The following GZMB variants were observed in gnomAD, a reference collection of about 807,000 sequenced individuals.
The protein encoded by GZMB is T-cell serine protease 1-3E.
In GZMB, 27 loss-of-function variants were observed where a neutral mutation model predicts 24.2. That is an observed-to-expected ratio of 1.12 (90% CI 0.82 to 1.54). The LOEUF is 1.54. GZMB is among the 40% of genes most tolerant of loss of function. The probability of loss-of-function intolerance (pLI) is 0.00; values close to 1 mark genes in which losing one functional copy is unlikely to be tolerated. For missense variants in GZMB, 336 were observed against 310.1 expected, an observed-to-expected ratio of 1.08 and a Z score of -0.63; for synonymous variants, 121 against 115.1, an observed-to-expected ratio of 1.05 and a Z score of -0.33.
intron 2 of GZMB, 177 bp downstream of exon 2, chr14:24,632,738 G>T: frequency 1.2e-6 from 1 of 816,338 alleles, no homozygotes. Flanking sequence ...TCTTACTTCA[G>T]CAGCACCTCT....
intron 4 of GZMB, chr14:24,631,643 C>T (rs761932964): frequency 6.2e-5 from 37 of 592,742 alleles, no homozygotes; most frequent in Non-Finnish European, 9.0e-6. Context: ...GCAAATTCAT[C>T]CTTCCAAAGA....
In GZMB at chr14:24,630,971, A is replaced by T. The variant is rs1201035130; in HGVS notation, c.*100T>A. On this transcript the variant is annotated 3_prime_UTR_variant, in exon 5 of 5. Transcript: ENST00000216341. ...AAACCAGCTTTTCCACTCAGCTAAG[A>T]GGTATTTATTCAGTTGCTGGCACCT... The T allele has an allele frequency of 2.3e-6, 2 of 860,088 alleles. No homozygotes were observed. Among genetic ancestry groups the T allele is most frequent in the African/African-American group, 3.3e-5 (2 of 59,834 alleles). 53.3% of individuals were successfully genotyped at this position (860,088 alleles called of 1,614,324 possible).
intron 2 of GZMB, 153 bp from the exon 3 acceptor site, chr14:24,632,612 C>T: frequency 4.0e-6 from 5 of 1,238,384 alleles, no homozygotes; most frequent in Non-Finnish European, 5.9e-6. Flanking sequence ...GTAATTGCAC[C>T]AGGTTTCTCA....
chr14:24,632,749 G>T, intron 2 of GZMB, 166 bp downstream of exon 2: 1 of 841,532 alleles, frequency 1.2e-6, no homozygotes, highest in South Asian at 1.4e-5. Flanking sequence ...CAGCACCTCT[G>T]GAACCAACCT....
chr14:24,633,242 T>G (rs751430940), intron 1 of GZMB, 180 bp from the exon 2 acceptor site: 128 of 985,104 alleles, frequency 1.3e-4, no homozygotes, highest in Non-Finnish European at 1.4e-4. Context: ...GACTTTGGTC[T>G]GTAAATCTTT....
Position 24,632,130 on chromosome 14 carries a change from G to A in GZMB, c.340-12C>T, listed in dbSNP as rs1452743932. The A allele has an allele frequency of 6.2e-7, 1 of 1,612,478 alleles. No homozygotes were observed. Among genetic ancestry groups the A allele is most frequent in the South Asian group, 1.1e-5 (1 of 91,024 alleles). On this transcript the variant is annotated splice_polypyrimidine_tract_variant and intron_variant, in intron 3 of 4. Coordinates refer to ENST00000216341, the MANE Select transcript of GZMB (RefSeq NM_004131.6). ...GCCTTTCTCTCCAGCTGGTGGGGAA[G>A]AGGCAAGAAAGTCCAGGTCAGCCAA... is the stretch of plus-strand genomic sequence containing the variant.
In GZMB at chr14:24,632,062, G is replaced by A; in HGVS notation, c.396C>T (p.Asn132=). The part of the protein sequence containing the change: ...RAVQPLRLPS[N]KAQVKPGQTC... ...TCTGCCCTGGCTTCACCTGGGCCTTGTTGCTAGGTAGCCTGAGGGGCTGCA... is the reference window on the plus strand; with the variant it reads ...TCTGCCCTGGCTTCACCTGGGCCTTATTGCTAGGTAGCCTGAGGGGCTGCA... Residue 132 remains asparagine (N), a synonymous_variant, in exon 4 of 5, where the codon AAC becomes AAT. Coordinates refer to ENST00000216341, the MANE Select transcript of GZMB (RefSeq NM_004131.6). 6.2e-7 allele frequency: 1 copy of A among 1,614,230 alleles called. No individual in the cohort carries two copies. Among genetic ancestry groups the A allele is most frequent in the South Asian group, 1.1e-5 (1 of 91,088 alleles).
At chr14:24,631,795 G>A (rs2066996744) in intron 4 of GZMB, 63 bp downstream of exon 4, 1 of 1,385,292 alleles carries the variant, frequency 7.2e-7, no homozygotes, top group African/African-American at 1.4e-5. Context: ...GAGTCTCCAG[G>A]TCTCAGATAT....
chr14:24,631,411 G>C (rs116546803), intron 4 of GZMB, 197 bp from the exon 5 acceptor site: 8,553 of 580,892 alleles, frequency 0.015, 84 homozygotes, highest in Middle Eastern at 0.022. Context: ...CATCCCAGGG[G>C]CCAGCCTCCG....
chr14:24,631,366 A>T (rs188886684), intron 4 of GZMB, 152 bp from the exon 5 acceptor site: 1 of 635,088 alleles, frequency 1.6e-6, no homozygotes, highest in East Asian at 2.8e-5. Flanking sequence ...CCCAGCTGCC[A>T]AGCTCTGGCC....
chr14:24,631,343 G>T (rs759046964), intron 4 of GZMB, 129 bp from the exon 5 acceptor site: 8 of 714,370 alleles, frequency 1.1e-5, no homozygotes, highest in Non-Finnish European at 1.8e-5. Context: ...GGCAGGGCAG[G>T]CCGCTGGTGG....
At chr14:24,633,165 C>T (rs930425198) in intron 1 of GZMB, 103 bp from the exon 2 acceptor site, 2 of 1,488,830 alleles carry the variant, frequency 1.3e-6, no homozygotes, top group African/African-American at 2.8e-5. Flanking sequence ...CCTGGGATAG[C>T]CTGGAGTTGG....
At chr14:24,633,971 C>A (rs563316665) in intron 1 of GZMB, 135 bp downstream of exon 1, 1 of 813,122 alleles carries the variant, frequency 1.2e-6, no homozygotes. Context: ...TCCAGCATCA[C>A]ACTTGGGGGG....
rs770449645 is a variant in GZMB at position 24,631,074 on chromosome 14, G to A, written c.741C>T (p.Tyr247=). The A allele has an allele frequency of 9.9e-6, 16 of 1,612,438 alleles. No individual in the cohort carries two copies. The South Asian group carries it at 1.4e-4, about 14-fold the overall frequency. The change falls in exon 5 of 5, where the codon TAC becomes TAT. Residue 247 remains tyrosine (Y), a synonymous_variant. Coordinates refer to ENST00000216341, the MANE Select transcript of GZMB (RefSeq NM_004131.6). ...VHWIKKTMKR[Y] Reference sequence around the variant, plus strand: ...GGGCTTAGTTTGCTTCCTGTAGTTAGTAGCGTTTCATGGTTTTCTTTATCC... The same window carrying A: ...GGGCTTAGTTTGCTTCCTGTAGTTAATAGCGTTTCATGGTTTTCTTTATCC...
Position 24,631,960 on chromosome 14 carries a change from T to G in GZMB, c.498A>C (p.Thr166=). 6.2e-7 allele frequency: 1 copy of G among 1,614,240 alleles called. No homozygotes were observed. Among genetic ancestry groups the G allele is most frequent in the Non-Finnish European group, 8.5e-7 (1 of 1,180,022 alleles). The change falls in exon 4 of 5, where the codon ACA becomes ACC. Residue 166 remains threonine, a synonymous_variant. Coordinates refer to ENST00000216341, the MANE Select transcript of GZMB (RefSeq NM_004131.6). ...ATTCGCACTTTCGATCTTCCTGCAC[T>G]GTCATCTTCACCTCTTGTAGTGTGT... ...HSHTLQEVKM[T]VQEDRKCESD... is the part of the protein sequence containing the mutation.
chr14:24,633,794 C>A (rs182838579), intron 1 of GZMB: 3 of 419,840 alleles, frequency 7.1e-6, no homozygotes, highest in Admixed American at 7.1e-5. Context: ...GCCAGGCCTA[C>A]TCTAGAATAA....
Position 24,632,936 on chromosome 14 carries a change from G to C in GZMB, c.182C>G (p.Thr61Arg). Reference sequence around the variant, plus strand: ...TCACCTTCCCCAACAGTGAGCAGCTGTCAGCACGAAGTCGTCTCGTATCAG... The same window carrying C: ...TCACCTTCCCCAACAGTGAGCAGCTCTCAGCACGAAGTCGTCTCGTATCAG... ...GFLIRDDFVL[T>R]AAHCWGSSIN... Residue 61 changes from threonine to arginine, a missense_variant, in exon 2 of 5, where the codon ACA (threonine) becomes AGA (arginine). Coordinates refer to ENST00000216341, the MANE Select transcript of GZMB (RefSeq NM_004131.6). 1 of 1,613,080 alleles carries C rather than the reference G, an allele frequency of 6.2e-7. No individual in the cohort carries two copies.
At position 24,631,187 on chromosome 14, in the gene GZMB, T is replaced by C; in HGVS notation, c.628A>G (p.Asn210Asp). ...GAGACAATGCCCTGGGCCACCTTGT[T>C]ACACACAAGAGGGCCTCCAGAGTCC... ...KGDSGGPLVC[N>D]KVAQGIVSYG... is the part of the protein sequence containing the mutation. The change falls in exon 5 of 5, where the codon AAC becomes GAC. Residue 210 changes from asparagine to aspartate, a missense_variant. By Grantham distance (23) the Asn-to-Asp change is conservative. Coordinates refer to ENST00000216341, the MANE Select transcript of GZMB (RefSeq NM_004131.6). The C allele has an allele frequency of 6.2e-7, 1 of 1,613,380 alleles. No homozygotes were observed. The highest frequency in any genetic ancestry group is 8.5e-7 in the Non-Finnish European group (1 of 1,179,406).
intron 1 of GZMB, chr14:24,633,871 G>C: frequency 3.3e-6 from 2 of 604,816 alleles, no homozygotes; most frequent in Non-Finnish European, 6.0e-6. Flanking sequence ...CTACTCTCCA[G>C]GTGACAAAGG....
Sources: gnomAD v4.1 joint callset for allele counts on GRCh38, gnomAD v4.1.1 for gene constraint, MANE v1.5 for transcripts, NCBI Gene and HGNC (gene_info 2026-07-23, HGNC 2026-07-21) for gene names.